The following PRICKLE4 variants were observed in gnomAD, a reference collection of about 807,000 sequenced individuals.
PRICKLE4 encodes the protein prickle planar cell polarity protein 4, also known as prickle-like protein 4.
A neutral mutation model predicts 43.5 loss-of-function variants in PRICKLE4; 40 were observed. The observed-to-expected ratio is 0.92, with a 90% CI of 0.71 to 1.20. The LOEUF is 1.20. Among genes scored for constraint, PRICKLE4 ranks in the 50% most tolerant of loss-of-function variants. PRICKLE4 has a pLI of 0.00. For synonymous variants in PRICKLE4, 208 were observed against 197.4 expected (o/e 1.05, Z -0.45); for missense variants, 527 against 491.2 (o/e 1.07, Z -0.69).
Position 41,785,019 on chromosome 6 carries a change from C to A in PRICKLE4, c.325C>A (p.Gln109Lys). 1 of 1,613,650 alleles carries A rather than the reference C, an allele frequency of 6.2e-7. No homozygotes were observed. The highest frequency in any genetic ancestry group is 8.5e-7 in the Non-Finnish European group (1 of 1,179,838). The change falls in exon 5 of 8, where the codon CAG (glutamine) becomes AAG (lysine). Residue 109 changes from glutamine to lysine, a missense_variant. Gln to Lys is a moderately conservative substitution (Grantham distance 53, BLOSUM62 1). Coordinates refer to ENST00000458694, the MANE Select transcript of PRICKLE4 (RefSeq NM_013397.6). ...CAGGCGGAAGCAGGAAGCCCTGGGACAGGGGGTAGCCCGCCTGGTACTTCC... is the reference window on the plus strand; with the variant it reads ...CAGGCGGAAGCAGGAAGCCCTGGGAAAGGGGGTAGCCCGCCTGGTACTTCC... ...CARRKQEALG[Q>K]GVARLVLPKL...
intron 4 of PRICKLE4, among the ~76,000 whole-genome samples, 173 bp downstream of exon 4, chr6:41,784,411 T>C (rs896844402): frequency 1.3e-5 from 2 of 152,290 alleles, no homozygotes; most frequent in Admixed American, 1.3e-4. Flanking sequence ...GCAATAACAA[T>C]AGCAGGTGCA....
At chr6:41,781,865 A>T (rs1475912883) in intron 2 of PRICKLE4, among the ~76,000 whole-genome samples, 1 of 152,180 alleles carries the variant, frequency 6.6e-6, no homozygotes, top group Non-Finnish European at 1.5e-5. Flanking sequence ...GTGAGGATGG[A>T]CTATATTATG....
At chr6:41,782,163 G>A (rs988854803) in intron 2 of PRICKLE4, among the ~76,000 whole-genome samples, 5 of 150,944 alleles carry the variant, frequency 3.3e-5, no homozygotes, top group African/African-American at 1.2e-4. Context: ...TGCCTTCCAG[G>A]TAGGTTGGAG....
Position 41,786,339 on chromosome 6 carries a change from G to C in PRICKLE4, c.787+7G>C, listed in dbSNP as rs567152545. The C allele has an allele frequency of 6.4e-7, 1 of 1,554,972 alleles. No individual in the cohort carries two copies. The highest frequency in any genetic ancestry group is 1.4e-5 in the African/African-American group (1 of 73,768). ...GAAGGGCAGGCATTCCTTGGTAAGG[G>C]AGAGGATGCAGAGCAAAGCGGGAGG... On this transcript the variant is annotated splice_region_variant and intron_variant, in intron 7 of 7. Transcript: ENST00000458694.
intron 4 of PRICKLE4, among the ~76,000 whole-genome samples, chr6:41,784,536 C>T (rs531398971): frequency 1.3e-5 from 2 of 152,154 alleles, no homozygotes; most frequent in Admixed American, 6.5e-5. Flanking sequence ...ATGGTTGTTA[C>T]GTATTTATTG....
chr6:41,784,007 C>A, intron 3 of PRICKLE4, 124 bp from the exon 4 acceptor site: 1 of 730,238 alleles, frequency 1.4e-6, no homozygotes, highest in Non-Finnish European at 2.3e-6. Context: ...AGGACCCTCC[C>A]AAATGGAGGG....
At position 41,785,039 on chromosome 6, in the gene PRICKLE4, A is replaced by G. The variant is rs1183801535; in HGVS notation, c.345A>G (p.Val115=). 1 of 1,613,530 alleles carries G rather than the reference A, an allele frequency of 6.2e-7. No homozygotes were observed. The highest frequency in any genetic ancestry group is 1.7e-5 in the Admixed American group (1 of 59,834). The change falls in exon 5 of 8, where the codon GTA becomes GTG. Residue 115 remains valine (V), a synonymous_variant. Transcript: ENST00000458694. ...EALGQGVARL[V]LPKLEGHTCE... is the part of the protein sequence containing the mutation. ...TGGGACAGGGGGTAGCCCGCCTGGT[A>G]CTTCCCAAGCTTGAAGGACACACCT...
intron 2 of PRICKLE4, among the ~76,000 whole-genome samples, chr6:41,782,774 C>T (rs1772575260): frequency 6.6e-6 from 1 of 152,108 alleles, no homozygotes; most frequent in Non-Finnish European, 1.5e-5. Flanking sequence ...CTTAGATTAT[C>T]CAATGCAATT....
Position 41,784,930 on chromosome 6 carries a change from T to G in PRICKLE4, c.241-5T>G. 6.2e-7 allele frequency: 1 copy of G among 1,613,788 alleles called. No homozygotes were observed. The highest frequency in any genetic ancestry group is 8.5e-7 in the Non-Finnish European group (1 of 1,179,930). Reference sequence around the variant, plus strand: ...CCCAGTAATTGTAGAGGACTGTTTCTGCAGGAGCGCTACTGCCTGGCCCTT... The same window carrying G: ...CCCAGTAATTGTAGAGGACTGTTTCGGCAGGAGCGCTACTGCCTGGCCCTT... On this transcript the variant is annotated splice_region_variant and splice_polypyrimidine_tract_variant and intron_variant, in intron 4 of 7. Coordinates refer to ENST00000458694, the MANE Select transcript of PRICKLE4 (RefSeq NM_013397.6).
chr6:41,782,492 C>T (rs563042327), intron 2 of PRICKLE4, among the ~76,000 whole-genome samples: 1 of 150,676 alleles, frequency 6.6e-6, no homozygotes, highest in Admixed American at 6.7e-5. Flanking sequence ...CGGGTTCACA[C>T]CATTCTCCTG....
At chr6:41,782,412 C>T (rs1237948997) in intron 2 of PRICKLE4, among the ~76,000 whole-genome samples, 80 of 80,840 alleles carry the variant, frequency 9.9e-4, no homozygotes, top group Non-Finnish European at 1.6e-3. Flanking sequence ...TTTTTTGAGA[C>T]GGAGTCTTGC....
rs531943739 is a variant in PRICKLE4, at chr6:41,782,528, T to C, written c.-12-934T>C. On this transcript the variant is annotated intron_variant, in intron 2 of 7. Coordinates refer to ENST00000458694, the MANE Select transcript of PRICKLE4 (RefSeq NM_013397.6). ...CCTCAGCCTCCGGAGTAGCTGGGAC[T>C]ATAGGCGCCCGCCACCACGCCCGGC... Among the ~76,000 whole-genome samples the C allele has an allele frequency of 2.6e-4, 40 of 152,048 alleles. No individual in the cohort carries two copies. In the East Asian group the frequency reaches 5.4e-3, roughly 21 times the overall value.
At position 41,783,599 on chromosome 6, in the gene PRICKLE4, T is replaced by C. The variant is rs139498631; in HGVS notation, c.126T>C (p.His42=). ...HLPGEDPEDT[H]AQGPAVLSLG... ...CGGGGGAGGACCCTGAGGATACCCA[T>C]GCTCAGGTAGTAGAGTCGTGCCCTT... Residue 42 remains histidine (H), a synonymous_variant, in exon 3 of 8, where the codon CAT becomes CAC. Transcript: ENST00000458694. 2.3e-3 allele frequency: 3,783 copies of C among 1,613,454 alleles called. 40 individuals carry two copies. In the African/African-American group the frequency reaches 0.034, roughly 14 times the overall value.
At position 41,783,845 on chromosome 6, in the gene PRICKLE4, G is replaced by C. The variant is rs1772594593; in HGVS notation, c.132+240G>C. ...CTGTATTGTCAAACCAGACTCTAGG[G>C]GCTTTGGCCCCAAGGCGTGAAGGGG... On this transcript the variant is annotated intron_variant, in intron 3 of 7. Coordinates refer to ENST00000458694, the MANE Select transcript of PRICKLE4 (RefSeq NM_013397.6). 23 of 763,718 alleles carry C rather than the reference G, an allele frequency of 3.0e-5. No homozygotes were observed. The East Asian group carries it at 6.2e-4, about 21-fold the overall frequency. The allele number at this position is 763,718 out of a possible 1,614,324, so 47.3% of individuals were successfully genotyped here.
rs1772586284 is a variant in PRICKLE4 at position 41,783,549 on chromosome 6, TCAGA to T, written c.80_83del (p.Asp27ValfsTer22). On this transcript the variant is annotated frameshift_variant, in exon 3 of 8. Transcript: ENST00000458694. LOFTEE classifies it high-confidence loss of function. ...CCAGGATCCAGGTCCACCAGCCAAC[TCAGA>T]CAGTGACTCAGGCCACCTGCCGGGG... The T allele has an allele frequency of 1.9e-6, 3 of 1,612,462 alleles. No homozygotes were observed. Among genetic ancestry groups the T allele is most frequent in the Non-Finnish European group, 2.5e-6 (3 of 1,179,368 alleles).
In PRICKLE4 at chr6:41,785,559, G is replaced by C; in HGVS notation, c.582+19G>C. ...TGACCAGGTACAGCCTGGAGGGGAGGAACTGGGGGTCTGCCCAGAGTCCAG... is the reference window on the plus strand; with the variant it reads ...TGACCAGGTACAGCCTGGAGGGGAGCAACTGGGGGTCTGCCCAGAGTCCAG... On this transcript the variant is annotated intron_variant, in intron 6 of 7. Transcript: ENST00000458694. The C allele has an allele frequency of 6.2e-7, 1 of 1,607,560 alleles. No individual in the cohort carries two copies. The highest frequency in any genetic ancestry group is 8.5e-7 in the Non-Finnish European group (1 of 1,177,954).
chr6:41,782,428 C>G (rs1400899263), intron 2 of PRICKLE4, among the ~76,000 whole-genome samples: 1 of 112,476 alleles, frequency 8.9e-6, no homozygotes, highest in African/African-American at 3.4e-5. Context: ...CTTGCTCTGT[C>G]GCCCAGGCTG....
Position 41,783,616 on chromosome 6 carries a change from C to G in PRICKLE4, c.132+11C>G, listed in dbSNP as rs373739401. ...GATACCCATGCTCAGGTAGTAGAGT[C>G]GTGCCCTTCCTCTGAGACCAACATG... On this transcript the variant is annotated intron_variant, in intron 3 of 7. Coordinates refer to ENST00000458694, the MANE Select transcript of PRICKLE4 (RefSeq NM_013397.6). 6 of 1,612,974 alleles carry G rather than the reference C, an allele frequency of 3.7e-6. No homozygotes were observed. Among genetic ancestry groups the G allele is most frequent in the Admixed American group, 1.7e-5 (1 of 59,952 alleles).
chr6:41,783,566 C>T lies in PRICKLE4; in HGVS notation c.93C>T (p.Gly31=). Residue 31 remains glycine (G), a synonymous_variant, in exon 3 of 8, where the codon GGC becomes GGT. Transcript: ENST00000458694. The part of the protein sequence containing the change: ...GPPANSDSDS[G]HLPGEDPEDT... ...CAGCCAACTCAGACAGTGACTCAGG[C>T]CACCTGCCGGGGGAGGACCCTGAGG... 1 of 1,613,820 alleles carries T rather than the reference C, an allele frequency of 6.2e-7. No homozygotes were observed. Among genetic ancestry groups the T allele is most frequent in the Non-Finnish European group, 8.5e-7 (1 of 1,179,896 alleles).
Sources: allele counts gnomAD v4.1 joint callset (sites outside exome capture counted in the v4.1 genomes callset), GRCh38; gene constraint gnomAD v4.1.1; transcripts MANE v1.5; gene names NCBI Gene and HGNC (gene_info 2026-07-23, HGNC 2026-07-21).